Variants in IQGAP2 observed in about 807,000 individuals in gnomAD.
The protein encoded by IQGAP2 is ras GTPase-activating-like protein IQGAP2.
Under a neutral mutation model 201.3 loss-of-function variants are expected in IQGAP2, and 173 were observed. That is an observed-to-expected ratio of 0.86 (90% CI 0.76 to 0.98). The LOEUF is 0.98. Among genes scored for constraint, IQGAP2 ranks in the 50% least tolerant of loss-of-function variants. The pLI is 0.00. For missense variants in IQGAP2, 1,687 were observed against 1,864.8 expected (o/e 0.90, Z 1.76); for synonymous variants, 675 against 673.9 (o/e 1.00, Z -0.03).
chr5:76,680,794 TAAAAAAAAAAA>T (rs755958579), intron 28 of IQGAP2, among the ~76,000 whole-genome samples: 3 of 115,536 alleles, frequency 2.6e-5, no homozygotes, highest in African/African-American at 1.0e-4. Flanking sequence ...TTGTCTCATT[TAAAAAAAAAAA>T]AAAAAAAAAA....
At chr5:76,569,209 T>C (rs1262714463) in intron 3 of IQGAP2, among the ~76,000 whole-genome samples, 1 of 152,204 alleles carries the variant, frequency 6.6e-6, no homozygotes, top group Non-Finnish European at 1.5e-5. Flanking sequence ...GGTTTTCAGA[T>C]CCGGAGAGAT....
rs75991867 is a variant in IQGAP2, at chr5:76,412,488, A to C, written c.46+8897A>C. Among the ~76,000 whole-genome samples the C allele has an allele frequency of 4.2e-3, 633 of 152,216 alleles. 9 individuals are homozygous for C. The highest frequency in any genetic ancestry group is 0.014 in the African/African-American group (588 of 41,538). ...ACATAGTTCCTGATAATTTTGTCTC[A>C]GTTCTCATATTTTACTGGCAATATG... On this transcript the variant is annotated intron_variant, in intron 1 of 35. Coordinates refer to ENST00000274364, the MANE Select transcript of IQGAP2 (RefSeq NM_006633.5).
chr5:76,511,245 T>A (rs1757941534), intron 2 of IQGAP2, among the ~76,000 whole-genome samples: 1 of 152,208 alleles, frequency 6.6e-6, no homozygotes, highest in Non-Finnish European at 1.5e-5. Context: ...AACAGCTGTG[T>A]GATGGTAGGG....
chr5:76,516,689 A>G (rs1220448180), intron 2 of IQGAP2, among the ~76,000 whole-genome samples: 1 of 152,198 alleles, frequency 6.6e-6, no homozygotes, highest in Admixed American at 6.5e-5. Flanking sequence ...TAACTAGAGC[A>G]GAAAATAGAG....
intron 20 of IQGAP2, among the ~76,000 whole-genome samples, chr5:76,657,223 A>G (rs998341408): frequency 6.6e-6 from 1 of 152,320 alleles, no homozygotes; most frequent in Middle Eastern, 3.4e-3. Context: ...TGGGTGGGAG[A>G]GGCAGCCATC....
intron 2 of IQGAP2, among the ~76,000 whole-genome samples, chr5:76,530,032 GGTTTGATTAGTCT>G (rs1425933209): frequency 6.6e-6 from 1 of 152,126 alleles, no homozygotes; most frequent in East Asian, 1.9e-4. Flanking sequence ...GAGTAAAGAA[GGTTTGATTAGTCT>G]GTAACAGCAG....
At chr5:76,601,603 C>T (rs188554236) in intron 11 of IQGAP2, among the ~76,000 whole-genome samples, 10 of 152,292 alleles carry the variant, frequency 6.6e-5, no homozygotes, top group Admixed American at 2.6e-4. Flanking sequence ...ATGAGAGAGT[C>T]GCTGAGATAA....
intron 20 of IQGAP2, 88 bp downstream of exon 20, chr5:76,655,091 C>A: frequency 1.1e-6 from 1 of 891,658 alleles, no homozygotes; most frequent in Non-Finnish European, 1.8e-6. Flanking sequence ...TCAGAGGCTG[C>A]TCTAAGAACA....
chr5:76,639,933 G>A (rs943497233), intron 16 of IQGAP2, among the ~76,000 whole-genome samples: 5 of 152,194 alleles, frequency 3.3e-5, no homozygotes, highest in Non-Finnish European at 7.3e-5. Context: ...TGCCATGGTT[G>A]AAAAGATGTA....
chr5:76,524,043 T>C (rs1309839074), intron 2 of IQGAP2, among the ~76,000 whole-genome samples: 2 of 152,170 alleles, frequency 1.3e-5, no homozygotes, highest in Non-Finnish European at 2.9e-5. Flanking sequence ...TTTAGGAGTC[T>C]ATAAATCTGG....
At chr5:76,541,672 C>T (rs543518776) in intron 2 of IQGAP2, among the ~76,000 whole-genome samples, 119 of 152,340 alleles carry the variant, frequency 7.8e-4, no homozygotes, top group African/African-American at 2.8e-3. Context: ...AACTTCTCAT[C>T]ATCCTCACCA....
intron 10 of IQGAP2, among the ~76,000 whole-genome samples, chr5:76,600,299 A>G (rs1332389025): frequency 6.6e-6 from 1 of 152,198 alleles, no homozygotes; most frequent in Admixed American, 6.5e-5. Context: ...ATTTATGAAA[A>G]TGTCACTTTA....
At chr5:76,653,553 T>A (rs922039286) in intron 18 of IQGAP2, among the ~76,000 whole-genome samples, 3 of 152,170 alleles carry the variant, frequency 2.0e-5, no homozygotes, top group Non-Finnish European at 2.9e-5. Flanking sequence ...GCCCAGGAGT[T>A]CAAGACCAGC....
At chr5:76,677,418 C>T in intron 28 of IQGAP2, 68 bp downstream of exon 28, 1 of 1,475,302 alleles carries the variant, frequency 6.8e-7, no homozygotes, top group Non-Finnish European at 9.4e-7. Flanking sequence ...CTTGAAAATG[C>T]TTAATCTCTA....
chr5:76,462,154 A>G (rs901812521), intron 2 of IQGAP2, among the ~76,000 whole-genome samples: 3 of 152,206 alleles, frequency 2.0e-5, no homozygotes, highest in Non-Finnish European at 2.9e-5. Context: ...ATTGTTTCAA[A>G]TTCTTCATCT....
At chr5:76,501,226 AT>A (rs1211221709) in intron 2 of IQGAP2, among the ~76,000 whole-genome samples, 2 of 152,176 alleles carry the variant, frequency 1.3e-5, no homozygotes, top group African/African-American at 2.4e-5. Flanking sequence ...GTGCCAGAAA[AT>A]TCCAGATGAA....
chr5:76,655,841 GTTA>G (rs1414827077), intron 20 of IQGAP2, among the ~76,000 whole-genome samples: 2 of 152,132 alleles, frequency 1.3e-5, no homozygotes, highest in Non-Finnish European at 2.9e-5. Context: ...GCCTATGTTT[GTTA>G]TTTTGGTTTT....
intron 16 of IQGAP2, among the ~76,000 whole-genome samples, chr5:76,638,793 G>T (rs1751343898): frequency 6.6e-6 from 1 of 152,176 alleles, no homozygotes; most frequent in Admixed American, 6.6e-5. Flanking sequence ...TAAATGCTTG[G>T]TGAGGCTTTC....
intron 5 of IQGAP2, among the ~76,000 whole-genome samples, chr5:76,577,910 T>G (rs1745577755): frequency 6.6e-6 from 1 of 152,206 alleles, no homozygotes; most frequent in South Asian, 2.1e-4. Context: ...TCAGAGATTC[T>G]GATTATAACT....
Sources: allele counts gnomAD v4.1 joint callset (sites outside exome capture counted in the v4.1 genomes callset), GRCh38; gene constraint gnomAD v4.1.1; transcripts MANE v1.5; gene names NCBI Gene and HGNC (gene_info 2026-07-23, HGNC 2026-07-21).